TRMT10A: variants seen among roughly 807,000 people sequenced by gnomAD.
TRMT10A encodes the protein tRNA methyltransferase 10A.
In TRMT10A, 37 loss-of-function variants were observed where a neutral mutation model predicts 40.4. The ratio of observed to expected loss-of-function variants is 0.92; its 90% CI spans 0.71 to 1.21. The LOEUF (loss-of-function observed/expected upper bound fraction) is 1.21. Among genes scored for constraint, TRMT10A ranks in the 50% most tolerant of loss-of-function variants. The pLI, the probability that TRMT10A is intolerant of heterozygous loss-of-function variation, is 0.00. For synonymous variants in TRMT10A, 103 were observed against 134.1 expected (o/e 0.77, Z 1.60); for missense variants, 388 against 404.3 (o/e 0.96, Z 0.35).
rs1428030739 is a variant in TRMT10A at position 99,559,220 on chromosome 4, A to G, written c.119T>C (p.Ile40Thr). 1 of 1,613,482 alleles carries G rather than the reference A, an allele frequency of 6.2e-7. No homozygotes were observed. The change falls in exon 2 of 8, where the codon ATA becomes ACA. Residue 40 changes from isoleucine to threonine, a missense_variant. Coordinates refer to ENST00000394876, the MANE Select transcript of TRMT10A (RefSeq NM_001134665.3). ...TAGTTTTTTCATTTGTCGTTTAGAT[A>G]TTGGTTCACACCCTTCACCTAATCT... ...KPRLGEGCEP[I>T]SKRQMKKLIK...
intron 1 of TRMT10A, 194 bp downstream of exon 1, chr4:99,563,719 G>A (rs1724562875): frequency 2.6e-6 from 1 of 386,364 alleles, no homozygotes; most frequent in Non-Finnish European, 5.0e-6. Flanking sequence ...GGAGCAGCTG[G>A]GTAGGCCGCG....
intron 2 of TRMT10A, 107 bp from the exon 3 acceptor site, chr4:99,558,318 A>G (rs1724251346): frequency 9.8e-7 from 1 of 1,020,034 alleles, no homozygotes; most frequent in Admixed American, 3.1e-5. Flanking sequence ...AAATCATATG[A>G]AATTGTCACT....
chr4:99,562,565 G>A (rs1278710622), intron 1 of TRMT10A, among the ~76,000 whole-genome samples: 6 of 123,844 alleles, frequency 4.8e-5, no homozygotes, highest in South Asian at 2.7e-4. Flanking sequence ...TTGCTAGGTC[G>A]CCCAGGCTGG....
At position 99,563,930 on chromosome 4, in the gene TRMT10A, A is replaced by G. The variant is rs985281448; in HGVS notation, c.-41T>C. ...ACACTTACCGAGCTGAAGAGTTGAC[A>G]GGGAAGTGAAATCTCAGAAAGAAAG... On this transcript the variant is annotated 5_prime_UTR_variant, in exon 1 of 8. Transcript: ENST00000394876. 1.2e-6 allele frequency: 1 copy of G among 821,146 alleles called. No homozygotes were observed. Among genetic ancestry groups the G allele is most frequent in the Non-Finnish European group, 2.0e-6 (1 of 495,216 alleles). 50.9% of individuals were successfully genotyped at this position (821,146 alleles called of 1,614,324 possible). A position where few individuals can be genotyped will look rare whatever the true frequency, so the allele number is the denominator to read the frequency against.
rs1177109320 is a variant in TRMT10A, at chr4:99,563,981, C to G, written c.-92G>C. 1.5e-6 allele frequency: 2 copies of G among 1,358,212 alleles called. No homozygotes were observed. Among genetic ancestry groups the G allele is most frequent in the African/African-American group, 1.4e-5 (1 of 69,056 alleles). The allele number at this position is 1,358,212 out of a possible 1,614,324, so 84.1% of individuals were successfully genotyped here. A position where few individuals can be genotyped will look rare whatever the true frequency, so the allele number is the denominator to read the frequency against. On this transcript the variant is annotated 5_prime_UTR_variant, in exon 1 of 8. Coordinates refer to ENST00000394876, the MANE Select transcript of TRMT10A (RefSeq NM_001134665.3). Reference sequence around the variant, plus strand: ...CCTTTCTGGGTTGGCCTGGTTACGGCTCACGCTTCCTTCCACAGAAACTTC... The same window carrying G: ...CCTTTCTGGGTTGGCCTGGTTACGGGTCACGCTTCCTTCCACAGAAACTTC...
chr4:99,555,051 C>T (rs948619324), intron 5 of TRMT10A, among the ~76,000 whole-genome samples: 2 of 152,018 alleles, frequency 1.3e-5, no homozygotes, highest in Admixed American at 6.5e-5. Context: ...ATTTAAGGCC[C>T]CAAGAGGAAC....
chr4:99,552,617 C>T (rs76353212), intron 6 of TRMT10A, among the ~76,000 whole-genome samples: 21,583 of 151,920 alleles, frequency 0.14, 1,934 homozygotes, highest in East Asian at 0.44. Flanking sequence ...TCATTCTTCC[C>T]GTAAGTGTAA....
At position 99,547,118 on chromosome 4, in the gene TRMT10A, G is replaced by T. The variant is rs1723766708; in HGVS notation, c.*1970C>A. On this transcript the variant is annotated 3_prime_UTR_variant, in exon 8 of 8. Coordinates refer to ENST00000394876, the MANE Select transcript of TRMT10A (RefSeq NM_001134665.3). The stretch of plus-strand genomic sequence containing the variant: ...CATGGTGAACTCTAATCCAGTGCTG[G>T]TCTCCCTAGAAAAAGAGTTTGGACA... 6.6e-6 allele frequency: 1 copy of T among 152,114 alleles called. No individual in the cohort carries two copies. Among genetic ancestry groups the T allele is most frequent in the African/African-American group, 2.4e-5 (1 of 41,404 alleles). 9.4% of individuals were successfully genotyped at this position (152,114 alleles called of 1,614,324 possible). A position where few individuals can be genotyped will look rare whatever the true frequency, so the allele number is the denominator to read the frequency against.
At chr4:99,549,413 A>C (rs546831746) in intron 7 of TRMT10A, 57 bp from the exon 8 acceptor site, 66 of 1,579,224 alleles carry the variant, frequency 4.2e-5, no homozygotes, top group Middle Eastern at 1.7e-4. Context: ...AATGCTGCAC[A>C]ATGTCTTTTA....
At position 99,547,089 on chromosome 4, in the gene TRMT10A, G is replaced by A. The variant is rs1174574844; in HGVS notation, c.*1999C>T. On this transcript the variant is annotated 3_prime_UTR_variant, in exon 8 of 8. Transcript: ENST00000394876. ...GATGTAGTCAAGATGAGGTCATATT[G>A]GATCATGGTGAACTCTAATCCAGTG... is the stretch of plus-strand genomic sequence containing the variant. The A allele has an allele frequency of 6.6e-6, 1 of 152,074 alleles. No individual in the cohort carries two copies. The highest frequency in any genetic ancestry group is 1.5e-5 in the Non-Finnish European group (1 of 68,016). 9.4% of individuals were successfully genotyped at this position (152,074 alleles called of 1,614,324 possible). A position where few individuals can be genotyped will look rare whatever the true frequency, so the allele number is the denominator to read the frequency against.
At position 99,563,738 on chromosome 4, in the gene TRMT10A, C is replaced by CG; in HGVS notation, c.-24+174_-24+175insC. The CG allele has an allele frequency of 2.9e-5, 12 of 410,140 alleles. No individual in the cohort carries two copies. The East Asian group carries it at 5.0e-4, about 17-fold the overall frequency. The allele number at this position is 410,140 out of a possible 1,614,324, so 25.4% of individuals were successfully genotyped here. On this transcript the variant is annotated intron_variant, in intron 1 of 7. Transcript: ENST00000394876. Reference sequence around the variant, plus strand: ...CAGCTGGGTAGGCCGCGGGGGGCGCCTGTCATCGACGTCATTTCCTTCAGC... The same window carrying CG: ...CAGCTGGGTAGGCCGCGGGGGGCGCCGTGTCATCGACGTCATTTCCTTCAGC...
Position 99,553,913 on chromosome 4 carries a change from G to A in TRMT10A, c.517C>T (p.His173Tyr), listed in dbSNP as rs1035416394. The A allele has an allele frequency of 1.9e-6, 3 of 1,613,082 alleles. No individual in the cohort carries two copies. Among genetic ancestry groups the A allele is most frequent in the Non-Finnish European group, 2.5e-6 (3 of 1,179,646 alleles). The change falls in exon 6 of 8, where the codon CAC becomes TAC. Residue 173 changes from histidine (H) to tyrosine (Y), a missense_variant. Transcript: ENST00000394876. ...TCTTTCTTTATGAGTTCACTATAGT[G>A]CTCTGGTTTGATATGGATATCCTTT... ...NWKDIHIKPEHYSELIKKEDL... is the reference protein window; with the variant it reads ...NWKDIHIKPEYYSELIKKEDL...
intron 5 of TRMT10A, 93 bp from the exon 6 acceptor site, chr4:99,554,027 T>G: frequency 7.7e-7 from 1 of 1,294,560 alleles, no homozygotes; most frequent in Non-Finnish European, 1.1e-6. Context: ...ACAAATCCAT[T>G]CAAAAATATA....
At chr4:99,561,778 CAG>C (rs1422383554) in intron 1 of TRMT10A, among the ~76,000 whole-genome samples, 6 of 152,188 alleles carry the variant, frequency 3.9e-5, no homozygotes, top group Non-Finnish European at 5.9e-5. Flanking sequence ...AATTCCATGG[CAG>C]AGTTTTTCAT....
chr4:99,556,245 A>C, intron 4 of TRMT10A, 25 bp from the exon 5 acceptor site: 3 of 1,596,638 alleles, frequency 1.9e-6, no homozygotes, highest in Non-Finnish European at 2.6e-6. Context: ...GTAAGTATAG[A>C]AAAAGAGAAC....
chr4:99,549,417 T>C (rs1031700355), intron 7 of TRMT10A, 61 bp from the exon 8 acceptor site: 1 of 1,571,384 alleles, frequency 6.4e-7, no homozygotes, highest in African/African-American at 1.4e-5. Context: ...CTGCACAATG[T>C]CTTTTAAAAT....
intron 6 of TRMT10A, among the ~76,000 whole-genome samples, chr4:99,553,038 G>C (rs559177423): frequency 6.6e-6 from 1 of 152,008 alleles, no homozygotes; most frequent in East Asian, 1.9e-4. Flanking sequence ...AAACAAAAAG[G>C]CTAAAAGATC....
intron 6 of TRMT10A, among the ~76,000 whole-genome samples, chr4:99,553,309 A>G (rs1724033677): frequency 6.6e-6 from 1 of 152,212 alleles, no homozygotes; most frequent in Non-Finnish European, 1.5e-5. Flanking sequence ...TTTCATCCAA[A>G]TAAAGGTATG....
rs1461183210 is a variant in TRMT10A at position 99,563,977 on chromosome 4, A to G, written c.-88T>C. On this transcript the variant is annotated 5_prime_UTR_variant, in exon 1 of 8. Transcript: ENST00000394876. Reference sequence around the variant, plus strand: ...AAAGCCTTTCTGGGTTGGCCTGGTTACGGCTCACGCTTCCTTCCACAGAAA... The same window carrying G: ...AAAGCCTTTCTGGGTTGGCCTGGTTGCGGCTCACGCTTCCTTCCACAGAAA... The G allele has an allele frequency of 1.5e-6, 2 of 1,318,216 alleles. No individual in the cohort carries two copies. Among genetic ancestry groups the G allele is most frequent in the East Asian group, 2.5e-5 (1 of 39,856 alleles). 81.7% of individuals were successfully genotyped at this position (1,318,216 alleles called of 1,614,324 possible).
Sources: gnomAD v4.1 joint callset for allele counts (sites outside exome capture counted in the v4.1 genomes callset) on GRCh38, gnomAD v4.1.1 for gene constraint, MANE v1.5 for transcripts, NCBI Gene and HGNC (gene_info 2026-07-23, HGNC 2026-07-21) for gene names.